CAST: variants seen among roughly 807,000 people sequenced by gnomAD.
CAST encodes MIR583 host.
Under a neutral mutation model 119.6 loss-of-function variants are expected in CAST, and 76 were observed. The ratio of observed to expected loss-of-function variants is 0.64; its 90% CI spans 0.53 to 0.77. The LOEUF (loss-of-function observed/expected upper bound fraction) is 0.77. Ranked by LOEUF, CAST falls within the 30% of genes least tolerant of loss-of-function variation. The probability of loss-of-function intolerance (pLI) is 0.00; values close to 1 mark genes in which losing one functional copy is unlikely to be tolerated. For missense variants in CAST, 953 were observed against 946.5 expected, an observed-to-expected ratio of 1.01 and a Z score of -0.09; for synonymous variants, 319 against 331.6, an observed-to-expected ratio of 0.96 and a Z score of 0.41.
intron 2 of CAST, among the ~76,000 whole-genome samples, chr5:96,693,939 T>C (rs1287309761): frequency 6.6e-6 from 1 of 152,188 alleles, no homozygotes; most frequent in Non-Finnish European, 1.5e-5. Flanking sequence ...AGATGATGCC[T>C]GGGAGCCTGA....
the CAST span, among the ~76,000 whole-genome samples, chr5:96,070,158 C>A: frequency 6.6e-6 from 1 of 152,162 alleles, no homozygotes; most frequent in Admixed American, 6.5e-5. Flanking sequence ...ATATACTTCA[C>A]TTAAAGTTTC....
the CAST span, among the ~76,000 whole-genome samples, chr5:96,467,079 A>T: frequency 8.7e-4 from 133 of 152,116 alleles, 1 homozygote; most frequent in African/African-American, 3.1e-3. Flanking sequence ...TTATCTAATT[A>T]TTAGTGACTT....
chr5:95,990,107 A>G, the CAST span, among the ~76,000 whole-genome samples: 5 of 152,160 alleles, frequency 3.3e-5, no homozygotes, highest in Non-Finnish European at 7.4e-5. Context: ...GTTAAAAATA[A>G]GCTTGAAATA....
At chr5:96,617,974 C>T (rs1406108178) in intron 1 of CAST, among the ~76,000 whole-genome samples, 1 of 152,016 alleles carries the variant, frequency 6.6e-6, no homozygotes, top group Admixed American at 6.6e-5. Flanking sequence ...TGGACAGGAA[C>T]CAGGGGTCTG....
At chr5:96,493,957 C>T in the CAST span, among the ~76,000 whole-genome samples, 7 of 152,150 alleles carry the variant, frequency 4.6e-5, no homozygotes, top group Admixed American at 3.9e-4. Context: ...ATCGCTTGAA[C>T]CTGGGAGGCA....
chr5:96,548,532 C>G (rs114573210), intron 1 of CAST, among the ~76,000 whole-genome samples: 1 of 152,048 alleles, frequency 6.6e-6, no homozygotes, highest in Non-Finnish European at 1.5e-5. Flanking sequence ...CCCCGCCCCC[C>G]ACCAACCCTT....
the CAST span, among the ~76,000 whole-genome samples, chr5:96,006,379 C>A: frequency 2.7e-5 from 4 of 145,986 alleles, no homozygotes; most frequent in African/African-American, 5.0e-5. Flanking sequence ...AGAAAAATCG[C>A]AAAAAAAAAA....
At chr5:96,383,935 G>A in the CAST span, among the ~76,000 whole-genome samples, 9 of 152,170 alleles carry the variant, frequency 5.9e-5, no homozygotes, top group Admixed American at 3.9e-4. Context: ...TCAAGATGTT[G>A]AGTTCATAGA....
At chr5:96,270,196 C>G in the CAST span, among the ~76,000 whole-genome samples, 1 of 152,064 alleles carries the variant, frequency 6.6e-6, no homozygotes, top group African/African-American at 2.4e-5. Context: ...CAACATCCCT[C>G]TATGACAAAA....
At chr5:96,405,199 T>C in the CAST span, among the ~76,000 whole-genome samples, 1 of 152,198 alleles carries the variant, frequency 6.6e-6, no homozygotes, top group African/African-American at 2.4e-5. Flanking sequence ...CATACTTATC[T>C]TACTGATGAA....
chr5:96,393,050 T>C, the CAST span: 5 of 1,614,170 alleles, frequency 3.1e-6, no homozygotes, highest in Non-Finnish European at 4.2e-6. Context: ...CAGCCGGTCG[T>C]CTCTGTGCTT....
chr5:96,592,529 GA>G (rs999766504), intron 1 of CAST, among the ~76,000 whole-genome samples: 29 of 151,880 alleles, frequency 1.9e-4, no homozygotes, highest in Non-Finnish European at 2.9e-4. Flanking sequence ...ATTTTAAAGA[GA>G]AAAAAACTAA....
At chr5:96,072,637 G>GC in the CAST span, among the ~76,000 whole-genome samples, 2 of 152,202 alleles carry the variant, frequency 1.3e-5, no homozygotes, top group African/African-American at 2.4e-5. Context: ...CCCTGGCATA[G>GC]CTGTGTACTT....
At chr5:96,525,608 T>C (rs1321607576), upstream of CAST, among the ~76,000 whole-genome samples, 1 of 152,224 alleles carries the variant, frequency 6.6e-6, no homozygotes, top group Non-Finnish European at 1.5e-5. Context: ...ATATTATCTA[T>C]ATGTTAAATA....
intron 1 of CAST, among the ~76,000 whole-genome samples, chr5:96,576,460 T>G (rs1157468871): frequency 6.6e-6 from 1 of 152,008 alleles, no homozygotes; most frequent in Non-Finnish European, 1.5e-5. Context: ...TTCTCGTGCC[T>G]CAGCCTCCGG....
At chr5:96,768,083 C>G (rs150256309) in intron 29 of CAST, 84 bp downstream of exon 29, 3 of 902,022 alleles carry the variant, frequency 3.3e-6, no homozygotes, top group African/African-American at 1.7e-5. Flanking sequence ...ATTGATTGAT[C>G]TATCTATCGG....
At chr5:96,198,165 G>C in the CAST span, among the ~76,000 whole-genome samples, 1 of 152,078 alleles carries the variant, frequency 6.6e-6, no homozygotes, top group Non-Finnish European at 1.5e-5. Context: ...GCAGAGATGG[G>C]CTGATGAGAG....
the CAST span, among the ~76,000 whole-genome samples, chr5:96,402,193 C>T: frequency 2.6e-5 from 4 of 152,084 alleles, no homozygotes; most frequent in South Asian, 2.1e-4. Flanking sequence ...CTGAAGAGTC[C>T]GGCTCCTAGT....
At chr5:96,360,604 C>T in the CAST span, among the ~76,000 whole-genome samples, 1 of 152,196 alleles carries the variant, frequency 6.6e-6, no homozygotes, top group Admixed American at 6.5e-5. Context: ...TGCAGGTCTG[C>T]TGCAGTTTGC....
Sources: allele counts gnomAD v4.1 joint callset (sites outside exome capture counted in the v4.1 genomes callset), GRCh38; gene constraint gnomAD v4.1.1; transcripts MANE v1.5; gene names NCBI Gene and HGNC (gene_info 2026-07-23, HGNC 2026-07-21).